The following SCO1 variants were observed in gnomAD, a reference collection of about 807,000 sequenced individuals.
SCO1 encodes the protein synthesis of cytochrome C oxidase 1.
Under a neutral mutation model 34.0 loss-of-function variants are expected in SCO1, and 23 were observed. The observed-to-expected ratio is 0.68, with a 90% CI of 0.49 to 0.96. SCO1 has a LOEUF of 0.96. SCO1 is among the 40% of genes least tolerant of loss of function. The pLI is 0.00. For missense variants in SCO1, 404 were observed against 381.6 expected (o/e 1.06, Z -0.49); for synonymous variants, 161 against 145.5 (o/e 1.11, Z -0.77).
In SCO1 at chr17:10,676,728, A is replaced by G. The variant is rs537028174; in HGVS notation, c.*4391T>C. The G allele has an allele frequency of 8.7e-4, 132 of 152,312 alleles. 1 individual carries two copies. Among genetic ancestry groups the G allele is most frequent in the African/African-American group, 2.7e-3 (113 of 41,558 alleles). 9.4% of individuals were successfully genotyped at this position (152,312 alleles called of 1,614,324 possible). On this transcript the variant is annotated 3_prime_UTR_variant, in exon 6 of 6. Transcript: ENST00000255390. Reference sequence around the variant, plus strand: ...TGAAGATTGAAAGGAAATACCTCCAAGTATTATTTCTTGGTAGTGGAACAA... The same window carrying G: ...TGAAGATTGAAAGGAAATACCTCCAGGTATTATTTCTTGGTAGTGGAACAA...
intron 5 of SCO1, 147 bp from the exon 6 acceptor site, chr17:10,681,400 TATCATAGCAA>T: frequency 2.3e-6 from 2 of 878,432 alleles, no homozygotes; most frequent in Non-Finnish European, 3.5e-6. Flanking sequence ...GGCTTAAGTC[TATCATAGCAA>T]ATTCCTAACA....
At chr17:10,687,005 A>G (rs1222479892) in intron 4 of SCO1, among the ~76,000 whole-genome samples, 163 bp from the exon 5 acceptor site, 1 of 152,234 alleles carries the variant, frequency 6.6e-6, no homozygotes, top group Non-Finnish European at 1.5e-5. Context: ...AGAAATTCAC[A>G]AAGAACAAAT....
At chr17:10,694,101 G>A (rs1468127275) in intron 2 of SCO1, among the ~76,000 whole-genome samples, 1 of 152,204 alleles carries the variant, frequency 6.6e-6, no homozygotes, top group East Asian at 1.9e-4. Context: ...GTACTATGTG[G>A]TATCTGACCA....
intron 5 of SCO1, 68 bp downstream of exon 5, chr17:10,686,659 T>C (rs569711424): frequency 2.9e-5 from 27 of 934,302 alleles, no homozygotes; most frequent in African/African-American, 1.8e-4. Flanking sequence ...TAGTCAGTCA[T>C]TGAAAGCCTT....
chr17:10,695,981 T>A, intron 1 of SCO1, 150 bp from the exon 2 acceptor site: 2 of 641,624 alleles, frequency 3.1e-6, no homozygotes, highest in Non-Finnish European at 2.8e-6. Context: ...ATGCTCAAAG[T>A]TTCTGTGGAT....
At position 10,678,865 on chromosome 17, in the gene SCO1, T is replaced by C. The variant is rs79192340; in HGVS notation, c.*2254A>G. ...AAAATCAAGGAGTCAGCAGGGTTTG[T>C]TTTTTTTTTTTTTTCTCACAACTTC... is the stretch of plus-strand genomic sequence containing the variant. On this transcript the variant is annotated 3_prime_UTR_variant, in exon 6 of 6. Coordinates refer to ENST00000255390, the MANE Select transcript of SCO1 (RefSeq NM_004589.4). 6 of 115,220 alleles carry C rather than the reference T, an allele frequency of 5.2e-5. No individual in the cohort carries two copies. The highest frequency in any genetic ancestry group is 9.8e-5 in the Non-Finnish European group (6 of 61,360). 7.1% of individuals were successfully genotyped at this position (115,220 alleles called of 1,614,324 possible).
intron 5 of SCO1, among the ~76,000 whole-genome samples, chr17:10,682,108 G>A (rs2074625602): frequency 6.6e-6 from 1 of 152,084 alleles, no homozygotes; most frequent in African/African-American, 2.4e-5. Context: ...AGATTTTTTA[G>A]TTAGACACTT....
At chr17:10,684,697 C>T (rs376724708) in intron 5 of SCO1, among the ~76,000 whole-genome samples, 1 of 152,206 alleles carries the variant, frequency 6.6e-6, no homozygotes, top group African/African-American at 2.4e-5. Flanking sequence ...TAATATAACT[C>T]ATTTAATGCT....
chr17:10,691,837 G>A lies in SCO1; in HGVS notation c.655+35C>T, dbSNP rs201813992. On this transcript the variant is annotated intron_variant, in intron 4 of 5. Transcript: ENST00000255390. ...GAACTGATATTCCAAAAACTTTAAG[G>A]CTAAATAAATGTAAAGTATTATTTA... The A allele has an allele frequency of 1.3e-4, 176 of 1,395,806 alleles. No homozygotes were observed. In the African/African-American group the frequency reaches 2.3e-3, roughly 18 times the overall value. 86.5% of individuals were successfully genotyped at this position (1,395,806 alleles called of 1,614,324 possible). A position where few individuals can be genotyped will look rare whatever the true frequency, so the allele number is the denominator to read the frequency against.
In SCO1 at chr17:10,692,917, C is replaced by A; in HGVS notation, c.409G>T (p.Gly137Trp). ...TGAGTTGTGAGGGAAAACGGTCCCC[C>A]AAGTAAAGGCTTGCCGATGTGTCGC... is the stretch of plus-strand genomic sequence containing the variant. ...RQRHIGKPLL[G>W]GPFSLTTHTG... Residue 137 changes from glycine to tryptophan, a missense_variant, in exon 3 of 6, where the codon GGG (glycine) becomes TGG (tryptophan). Transcript: ENST00000255390. 2.5e-6 allele frequency: 4 copies of A among 1,614,086 alleles called. No individual in the cohort carries two copies. The highest frequency in any genetic ancestry group is 1.3e-5 in the African/African-American group (1 of 74,990).
intron 2 of SCO1, 98 bp from the exon 3 acceptor site, chr17:10,693,059 TG>T: frequency 5.0e-6 from 5 of 990,512 alleles, no homozygotes; most frequent in African/African-American, 3.3e-5. Flanking sequence ...CTACTCATGG[TG>T]GGGGCACAAA....
rs1200494741 is a variant in SCO1 at position 10,675,881 on chromosome 17, C to A, written c.*5238G>T. The A allele has an allele frequency of 6.6e-6, 1 of 152,088 alleles. No homozygotes were observed. Among genetic ancestry groups the A allele is most frequent in the Non-Finnish European group, 1.5e-5 (1 of 68,032 alleles). The allele number at this position is 152,088 out of a possible 1,614,324, so 9.4% of individuals were successfully genotyped here. ...TCCCTAGGGTTGTGTCTTCCTTGAACTGGGTGCAAACATGGACAAAGTCAC... is the reference window on the plus strand; with the variant it reads ...TCCCTAGGGTTGTGTCTTCCTTGAAATGGGTGCAAACATGGACAAAGTCAC... On this transcript the variant is annotated 3_prime_UTR_variant, in exon 6 of 6. Coordinates refer to ENST00000255390, the MANE Select transcript of SCO1 (RefSeq NM_004589.4).
Position 10,676,075 on chromosome 17 carries a change from A to C in SCO1, c.*5044T>G, listed in dbSNP as rs1233542417. 6.6e-6 allele frequency: 1 copy of C among 152,190 alleles called. No individual in the cohort carries two copies. The allele number at this position is 152,190 out of a possible 1,614,324, so 9.4% of individuals were successfully genotyped here. A position where few individuals can be genotyped will look rare whatever the true frequency, so the allele number is the denominator to read the frequency against. On this transcript the variant is annotated 3_prime_UTR_variant, in exon 6 of 6. Transcript: ENST00000255390. ...CAAAAACCTTTTTGCTGTGCTGATGAAACTGTGGTTGTTTTTTTCTTTCTT... is the reference window on the plus strand; with the variant it reads ...CAAAAACCTTTTTGCTGTGCTGATGCAACTGTGGTTGTTTTTTTCTTTCTT...
At chr17:10,681,975 A>T (rs2074624384) in intron 5 of SCO1, among the ~76,000 whole-genome samples, 1 of 152,222 alleles carries the variant, frequency 6.6e-6, no homozygotes, top group South Asian at 2.1e-4. Flanking sequence ...TCACCTGGAA[A>T]GCAAATCCTC....
chr17:10,680,740 G>C lies in SCO1; in HGVS notation c.*379C>G, dbSNP rs1597505322. On this transcript the variant is annotated 3_prime_UTR_variant, in exon 6 of 6. Transcript: ENST00000255390. ...CTTTTCTGTGAAATTCAGTCCCACA[G>C]CTATTTGAGCAAGGGCCCAAGACGA... is the stretch of plus-strand genomic sequence containing the variant. 3.4e-6 allele frequency: 1 copy of C among 297,402 alleles called. No individual in the cohort carries two copies. Among genetic ancestry groups the C allele is most frequent in the Admixed American group, 4.6e-5 (1 of 21,510 alleles). The allele number at this position is 297,402 out of a possible 1,614,324, so 18.4% of individuals were successfully genotyped here. A position where few individuals can be genotyped will look rare whatever the true frequency, so the allele number is the denominator to read the frequency against.
rs527818369 is a variant in SCO1 at position 10,679,541 on chromosome 17, T to C, written c.*1578A>G. On this transcript the variant is annotated 3_prime_UTR_variant, in exon 6 of 6. Coordinates refer to ENST00000255390, the MANE Select transcript of SCO1 (RefSeq NM_004589.4). ...CATATCATGTAAAAAGAATCTGTTGTCTATCTAGGCATTATATTTGTTGCA... is the reference window on the plus strand; with the variant it reads ...CATATCATGTAAAAAGAATCTGTTGCCTATCTAGGCATTATATTTGTTGCA... 6.6e-6 allele frequency: 1 copy of C among 152,334 alleles called. No homozygotes were observed. Among genetic ancestry groups the C allele is most frequent in the African/African-American group, 2.4e-5 (1 of 41,576 alleles). The allele number at this position is 152,334 out of a possible 1,614,324, so 9.4% of individuals were successfully genotyped here.
At chr17:10,690,435 A>G (rs977354837) in intron 4 of SCO1, among the ~76,000 whole-genome samples, 9 of 152,228 alleles carry the variant, frequency 5.9e-5, no homozygotes, top group Non-Finnish European at 1.0e-4. Flanking sequence ...GTATATGAAA[A>G]AATGCTCAAC....
chr17:10,695,326 A>C (rs2074714646), intron 2 of SCO1, among the ~76,000 whole-genome samples: 1 of 152,120 alleles, frequency 6.6e-6, no homozygotes, highest in Non-Finnish European at 1.5e-5. Flanking sequence ...TTCCGTGTGC[A>C]CCTCAAAGGC....
Position 10,686,770 on chromosome 17 carries a change from A to C in SCO1, c.728T>G (p.Val243Gly). The change falls in exon 5 of 6, where the codon GTG (valine) becomes GGG (glycine). Residue 243 changes from valine (V) to glycine (G), a missense_variant. Transcript: ENST00000255390. The part of the protein sequence containing the change: ...EVDQVARAYR[V>G]YYSPGPKDED... ...GTCCTTGGGGCCAGGGCTGTAATAC[A>C]CTCTGTATGCTCTGGCCACTTGATC... The C allele has an allele frequency of 6.2e-7, 1 of 1,613,674 alleles. No individual in the cohort carries two copies. Among genetic ancestry groups the C allele is most frequent in the Non-Finnish European group, 8.5e-7 (1 of 1,179,772 alleles).
Sources: allele counts gnomAD v4.1 joint callset (sites outside exome capture counted in the v4.1 genomes callset), GRCh38; gene constraint gnomAD v4.1.1; transcripts MANE v1.5; gene names NCBI Gene and HGNC (gene_info 2026-07-23, HGNC 2026-07-21).